STK3: variants seen among roughly 807,000 people sequenced by gnomAD.
The protein encoded by STK3 is serine/threonine-protein kinase 3.
A neutral mutation model predicts 58.0 loss-of-function variants in STK3; 41 were observed. The ratio of observed to expected loss-of-function variants is 0.71; its 90% confidence interval spans 0.55 to 0.92. STK3 has a LOEUF of 0.92. STK3 is among the 40% of genes least tolerant of loss of function. The pLI is 0.00. For missense variants in STK3, 479 were observed against 602.7 expected (o/e 0.79, Z 2.15); for synonymous variants, 170 against 191.0 (o/e 0.89, Z 0.91).
rs539781695 is a variant in STK3 at position 98,488,212 on chromosome 8, A to T, written c.1318-32212T>A. Among the ~76,000 whole-genome samples, 4 of 152,336 alleles carry T rather than the reference A, an allele frequency of 2.6e-5. No homozygotes were observed. The South Asian group carries it at 8.3e-4, about 32-fold the overall frequency. The stretch of plus-strand genomic sequence containing the variant: ...TCCAGATAACCTGTGAAGAATGGTG[A>T]AGCATGGCTTCATCAAATGACCTGT... On this transcript the variant is annotated intron_variant, in intron 10 of 10. Coordinates refer to ENST00000419617, the MANE Select transcript of STK3 (RefSeq NM_006281.4).
Position 98,456,138 on chromosome 8 carries a change from T to C in STK3, c.1318-138A>G, listed in dbSNP as rs1004484722. ...AATTCTTTACATCATCTTTGAAGTA[T>C]AGTTCAACAATTAAAACAGGAATTT... On this transcript the variant is annotated intron_variant, in intron 10 of 10. Transcript: ENST00000419617. 7 of 913,746 alleles carry C rather than the reference T, an allele frequency of 7.7e-6. No homozygotes were observed. The South Asian group carries it at 9.5e-5, about 12-fold the overall frequency. The allele number at this position is 913,746 out of a possible 1,614,324, so 56.6% of individuals were successfully genotyped here.
intron 3 of STK3, among the ~76,000 whole-genome samples, chr8:98,877,393 T>C (rs1182766660): frequency 6.6e-6 from 1 of 152,196 alleles, no homozygotes; most frequent in Admixed American, 6.5e-5. Flanking sequence ...CAACTGATTG[T>C]TTAGACTTTT....
At chr8:98,361,038 G>T in the STK3 span, among the ~76,000 whole-genome samples, 2 of 152,148 alleles carry the variant, frequency 1.3e-5, no homozygotes, top group African/African-American at 4.8e-5. Flanking sequence ...GATTTTGTCA[G>T]TCTGATAATC....
At chr8:98,571,325 C>T (rs1812949043) in intron 8 of STK3, among the ~76,000 whole-genome samples, 1 of 151,764 alleles carries the variant, frequency 6.6e-6, no homozygotes, top group African/African-American at 2.4e-5. Context: ...AGTGAGACTC[C>T]ATCTCAAAGA....
chr8:98,869,401 A>G (rs1837280644), intron 3 of STK3, among the ~76,000 whole-genome samples: 1 of 152,242 alleles, frequency 6.6e-6, no homozygotes, highest in South Asian at 2.1e-4. Context: ...ATCCTGGGCA[A>G]CAGAGTGAGA....
At position 98,800,617 on chromosome 8, in the gene STK3, G is replaced by C. The variant is rs190869111; in HGVS notation, c.26+24898C>G. On this transcript the variant is annotated intron_variant, in intron 1 of 10. Coordinates refer to ENST00000419617, the MANE Select transcript of STK3 (RefSeq NM_006281.4). The surrounding 1 kb of genome is among the most constrained non-coding windows in gnomAD (Gnocchi z 4.8). ...AAGCGTGGGCAGGAACCAGGACTGCGCGCAGCACTCATGGGCCAGCACGAG... is the reference window on the plus strand; with the variant it reads ...AAGCGTGGGCAGGAACCAGGACTGCCCGCAGCACTCATGGGCCAGCACGAG... Among the ~76,000 whole-genome samples, 1 of 152,180 alleles carries C rather than the reference G, an allele frequency of 6.6e-6. No individual in the cohort carries two copies. The highest frequency in any genetic ancestry group is 1.5e-5 in the Non-Finnish European group (1 of 68,018).
chr8:98,416,967 G>C (rs1023564622), intron 3 of STK3, among the ~76,000 whole-genome samples: 1 of 152,202 alleles, frequency 6.6e-6, no homozygotes, highest in Non-Finnish European at 1.5e-5. Context: ...AGACAGACCA[G>C]CCAGATGGCA....
At chr8:98,388,128 T>C (rs988128931) in intron 1 of STK3, 2 of 152,228 alleles carry the variant, frequency 1.3e-5, no homozygotes, top group African/African-American at 4.8e-5. Flanking sequence ...CTTTGGAATA[T>C]GCTAGATAAC....
chr8:98,761,402 G>A (rs1480146885), intron 3 of STK3, among the ~76,000 whole-genome samples: 2 of 151,968 alleles, frequency 1.3e-5, no homozygotes, highest in African/African-American at 4.8e-5. Context: ...AAGGATTATA[G>A]GCATGAGCCA....
At chr8:98,682,947 C>A (rs1316011462) in intron 6 of STK3, among the ~76,000 whole-genome samples, 1 of 152,076 alleles carries the variant, frequency 6.6e-6, no homozygotes, top group African/African-American at 2.4e-5. Context: ...CAAATAGTTA[C>A]TATTACTGGC....
At chr8:98,535,674 T>TA (rs1809696390) in intron 9 of STK3, among the ~76,000 whole-genome samples, 1 of 152,114 alleles carries the variant, frequency 6.6e-6, no homozygotes, top group South Asian at 2.1e-4. Context: ...TGGAGTAAAT[T>TA]AAAAACTAAT....
At chr8:98,376,738 TAA>T (rs1265180540) in intron 2 of STK3, among the ~76,000 whole-genome samples, 2 of 152,228 alleles carry the variant, frequency 1.3e-5, no homozygotes, top group African/African-American at 4.8e-5. Context: ...GTTTATAACT[TAA>T]GAGTGAAATA....
chr8:98,483,768 T>G (rs1822022747), intron 10 of STK3, among the ~76,000 whole-genome samples: 1 of 152,146 alleles, frequency 6.6e-6, no homozygotes, highest in Non-Finnish European at 1.5e-5. Flanking sequence ...GATAACCAAT[T>G]TAACTTAGGG....
At chr8:98,776,276 G>T (rs1831671480) in intron 1 of STK3, among the ~76,000 whole-genome samples, 1 of 152,040 alleles carries the variant, frequency 6.6e-6, no homozygotes, top group South Asian at 2.1e-4. Flanking sequence ...AAAAAGGCAT[G>T]GGTCACTAGG....
chr8:98,500,331 A>G (rs886608271), intron 10 of STK3, among the ~76,000 whole-genome samples: 2 of 152,154 alleles, frequency 1.3e-5, no homozygotes, highest in African/African-American at 4.8e-5. Context: ...CAGGGGTTTG[A>G]GACCAGCCTG....
At chr8:98,911,763 G>A (rs1438628525) in intron 1 of STK3, among the ~76,000 whole-genome samples, 1 of 152,046 alleles carries the variant, frequency 6.6e-6, no homozygotes, top group Non-Finnish European at 1.5e-5. Flanking sequence ...CTTATAATAA[G>A]AGTATTTATC....
At chr8:98,820,069 G>C (rs546836481) in intron 1 of STK3, among the ~76,000 whole-genome samples, 1 of 152,062 alleles carries the variant, frequency 6.6e-6, no homozygotes, top group South Asian at 2.1e-4. Flanking sequence ...TTCTCAACCC[G>C]ATCCCTTTGC....
intron 9 of STK3, 118 bp downstream of exon 9, chr8:98,547,851 T>C (rs1215476997): frequency 1.1e-6 from 1 of 926,190 alleles, no homozygotes; most frequent in Non-Finnish European, 1.5e-6. Context: ...GTTACATAAA[T>C]CTAAGAAACA....
intron 1 of STK3, chr8:98,905,204 G>T: frequency 1.0e-6 from 1 of 980,702 alleles, no homozygotes; most frequent in Non-Finnish European, 1.7e-6. Flanking sequence ...CCATTCCAGG[G>T]GCAGTCCGAA....
Sources: gnomAD v4.1 joint callset for allele counts (sites outside exome capture counted in the v4.1 genomes callset) on GRCh38, gnomAD v4.1.1 for gene constraint, Gnocchi (gnomAD v3.1) non-coding constraint, MANE v1.5 for transcripts, NCBI Gene and HGNC (gene_info 2026-07-23, HGNC 2026-07-21) for gene names.